Variants in SOX5 observed in about 807,000 individuals in gnomAD.
SOX5 encodes transcription factor SOX-5.
A neutral mutation model predicts 92.0 loss-of-function variants in SOX5; 9 were observed. The observed-to-expected ratio is 0.10, with a 90% CI of 0.06 to 0.17. SOX5 has a LOEUF of 0.17. Ranked by LOEUF, SOX5 falls within the 10% of genes least tolerant of loss-of-function variation. The pLI, the probability that SOX5 is intolerant of heterozygous loss-of-function variation, is 1.00. For missense variants in SOX5, 642 were observed against 944.5 expected (o/e 0.68, Z 4.20); for synonymous variants, 344 against 336.3 (o/e 1.02, Z -0.25).
At chr12:23,822,305 G>C (rs984675305) in intron 3 of SOX5, among the ~76,000 whole-genome samples, 1 of 152,298 alleles carries the variant, frequency 6.6e-6, no homozygotes, top group South Asian at 2.1e-4. Flanking sequence ...CTGTGTCCCA[G>C]AGATTCTGGT....
intron 4 of SOX5, among the ~76,000 whole-genome samples, chr12:24,082,353 AC>A (rs1187011342): frequency 6.7e-6 from 1 of 150,330 alleles, no homozygotes; most frequent in Non-Finnish European, 1.5e-5. Context: ...CCACAAACAA[AC>A]AAAATCAATT....
chr12:24,306,527 G>C (rs1375075553), intron 2 of SOX5, among the ~76,000 whole-genome samples: 1 of 152,188 alleles, frequency 6.6e-6, no homozygotes, highest in East Asian at 1.9e-4. Flanking sequence ...ATCTTCTTCA[G>C]GCTTTGCTTG....
chr12:24,274,556 T>G (rs1221962828), intron 3 of SOX5, among the ~76,000 whole-genome samples: 1 of 151,952 alleles, frequency 6.6e-6, no homozygotes, highest in Admixed American at 6.6e-5. Flanking sequence ...CAGGTATAAG[T>G]GGTACAATTA....
chr12:24,183,271 C>T (rs1034568963), intron 4 of SOX5, among the ~76,000 whole-genome samples: 9 of 152,184 alleles, frequency 5.9e-5, no homozygotes, highest in Non-Finnish European at 1.0e-4. Flanking sequence ...ACCTCATTTT[C>T]CTGCCATTTT....
chr12:24,189,487 T>G (rs1261947712), intron 4 of SOX5, among the ~76,000 whole-genome samples: 4 of 152,162 alleles, frequency 2.6e-5, no homozygotes, highest in African/African-American at 7.2e-5. Context: ...AATGAGTAGA[T>G]AGTTTCCAAG....
At chr12:23,761,264 G>C (rs887977967) in intron 3 of SOX5, among the ~76,000 whole-genome samples, 1 of 152,052 alleles carries the variant, frequency 6.6e-6, no homozygotes, top group African/African-American at 2.4e-5. Context: ...ACATATATCT[G>C]ACATAAATGG....
chr12:23,859,471 T>G (rs1346204655), intron 2 of SOX5, among the ~76,000 whole-genome samples: 1 of 152,184 alleles, frequency 6.6e-6, no homozygotes, highest in Non-Finnish European at 1.5e-5. Flanking sequence ...AGACCAGTTA[T>G]CTGCTCTGGA....
intron 4 of SOX5, among the ~76,000 whole-genome samples, chr12:23,974,948 C>G (rs1569344916): frequency 1.3e-5 from 2 of 151,952 alleles, no homozygotes; most frequent in Non-Finnish European, 2.9e-5. Context: ...TAAAAGCAGC[C>G]TGACAAAAAA....
intron 9 of SOX5, among the ~76,000 whole-genome samples, chr12:23,597,608 A>T (rs1412085988): frequency 6.6e-6 from 1 of 152,204 alleles, no homozygotes. Context: ...TGTTATATCC[A>T]CTGTAAATAT....
intron 3 of SOX5, among the ~76,000 whole-genome samples, chr12:23,832,751 TA>T (rs1290039011): frequency 6.6e-6 from 1 of 151,200 alleles, no homozygotes; most frequent in East Asian, 1.9e-4. Context: ...CAAGTAAATA[TA>T]TTTTTTTACA....
At chr12:23,770,050 T>TG (rs1192992673) in intron 3 of SOX5, among the ~76,000 whole-genome samples, 1 of 145,456 alleles carries the variant, frequency 6.9e-6, no homozygotes, top group East Asian at 2.0e-4. Flanking sequence ...CTCCCTCTGT[T>TG]TTTTTTTTTT....
At chr12:24,342,418 A>C (rs1415875165) in intron 2 of SOX5, among the ~76,000 whole-genome samples, 1 of 152,220 alleles carries the variant, frequency 6.6e-6, no homozygotes, top group African/African-American at 2.4e-5. Flanking sequence ...GATATCCTAC[A>C]TGCAATACAA....
intron 4 of SOX5, among the ~76,000 whole-genome samples, chr12:24,206,176 T>A (rs923596259): frequency 3.3e-5 from 5 of 152,206 alleles, no homozygotes; most frequent in African/African-American, 1.2e-4. Context: ...AAAAAATCAT[T>A]ATTGAAATTC....
rs533660010 is a variant in SOX5 at position 23,692,051 on chromosome 12, T to C, written c.811-26487A>G. Among the ~76,000 whole-genome samples, 6 of 152,298 alleles carry C rather than the reference T, an allele frequency of 3.9e-5. No homozygotes were observed. The East Asian group carries it at 7.7e-4, about 20-fold the overall frequency. On this transcript the variant is annotated intron_variant, in intron 6 of 14. Coordinates refer to ENST00000451604, the MANE Select transcript of SOX5 (RefSeq NM_006940.6). The stretch of plus-strand genomic sequence containing the variant: ...AATATACCAAAATTTTTCACATTAG[T>C]TCTTAATAAGAAGTTCTAAGAACTC...
At chr12:23,836,299 C>T (rs2096413294) in intron 3 of SOX5, among the ~76,000 whole-genome samples, 1 of 151,762 alleles carries the variant, frequency 6.6e-6, no homozygotes, top group South Asian at 2.1e-4. Context: ...CATGAATAGA[C>T]CATGCACTTT....
chr12:23,848,600 C>T (rs2136106708), intron 2 of SOX5, among the ~76,000 whole-genome samples: 1 of 152,258 alleles, frequency 6.6e-6, no homozygotes, highest in African/African-American at 2.4e-5. Context: ...AGTGCTAGCA[C>T]AGTCTTCAGT....
At chr12:23,667,917 A>C (rs888366016) in intron 6 of SOX5, among the ~76,000 whole-genome samples, 3 of 152,204 alleles carry the variant, frequency 2.0e-5, no homozygotes. Context: ...GTTGATCCTG[A>C]TTATTCGTGG....
rs542775499 is a variant in SOX5 at position 24,018,000 on chromosome 12, T to C, written c.-1-121976A>G. On this transcript the variant is annotated intron_variant, in intron 4 of 4. Transcript: ENST00000446891. Reference sequence around the variant, plus strand: ...CCCGTTAACTCAGGATCTTGCTCCATCAGTTTTTCCCAAACCTTCTTATAT... The same window carrying C: ...CCCGTTAACTCAGGATCTTGCTCCACCAGTTTTTCCCAAACCTTCTTATAT... Among the ~76,000 whole-genome samples, 8 of 152,318 alleles carry C rather than the reference T, an allele frequency of 5.3e-5. No individual in the cohort carries two copies. In the South Asian group the frequency reaches 1.2e-3, roughly 24 times the overall value.
At chr12:23,755,604 T>C in intron 4 of SOX5, 34 bp downstream of exon 4, 1 of 1,448,998 alleles carries the variant, frequency 6.9e-7, no homozygotes, top group Non-Finnish European at 9.5e-7. Context: ...TTCATTTTGG[T>C]ACATTTTGGA....
Sources: gnomAD v4.1 joint callset for allele counts (sites outside exome capture counted in the v4.1 genomes callset) on GRCh38, gnomAD v4.1.1 for gene constraint, MANE v1.5 for transcripts, NCBI Gene and HGNC (gene_info 2026-07-23, HGNC 2026-07-21) for gene names.